Variants in IQSEC1 observed in about 807,000 individuals in gnomAD.
IQSEC1 encodes the protein IQ motif and SEC7 domain-containing protein 1.
IQSEC1 carries 31 observed loss-of-function variants against 91.0 expected under a neutral mutation model. The observed-to-expected ratio is 0.34, with a 90% CI of 0.26 to 0.46. IQSEC1 has a LOEUF of 0.46. Among genes scored for constraint, IQSEC1 ranks in the 20% least tolerant of loss-of-function variants. The probability of loss-of-function intolerance (pLI) is 1.00; values close to 1 mark genes in which losing one functional copy is unlikely to be tolerated. For missense variants in IQSEC1, 1,388 were observed against 1,575.6 expected (o/e 0.88, Z 2.02); for synonymous variants, 699 against 662.6 (o/e 1.05, Z -0.84).
intron 1 of IQSEC1, among the ~76,000 whole-genome samples, chr3:13,066,904 G>T (rs1365963198): frequency 6.6e-6 from 1 of 152,236 alleles, no homozygotes; most frequent in African/African-American, 2.4e-5. Flanking sequence ...TGAATGAATG[G>T]GTGAGTGATC....
rs1360924606 is a variant in IQSEC1, at chr3:12,915,735, T to G, written c.2021-2A>C. On this transcript the variant is annotated splice_acceptor_variant, in intron 6 of 13. Transcript: ENST00000613206. LOFTEE classifies it high-confidence loss of function. Reference sequence around the variant, plus strand: ...GAATGTCCTCACCATCGTCCACACCTGGGTAGGGGATGCAGCTGGATATCA... The same window carrying G: ...GAATGTCCTCACCATCGTCCACACCGGGGTAGGGGATGCAGCTGGATATCA... 6.2e-7 allele frequency: 1 copy of G among 1,613,672 alleles called. No individual in the cohort carries two copies. The highest frequency in any genetic ancestry group is 1.7e-5 in the Admixed American group (1 of 60,002).
chr3:12,923,539 C>A (rs1325376094), intron 4 of IQSEC1, among the ~76,000 whole-genome samples: 1 of 152,344 alleles, frequency 6.6e-6, no homozygotes, highest in East Asian at 1.9e-4. Flanking sequence ...CACACTTAGC[C>A]TCCTGGGTGT....
Position 12,901,103 on chromosome 3 carries a change from G to T in IQSEC1, c.3225C>A (p.Gly1075=). The part of the protein sequence containing the change: ...GHPAYGAHAH[G]HPPLPSAHVG... Reference sequence around the variant, plus strand: ...CGTGGGCCGAGGGCAGCGGCGGGTGGCCGTGGGCATGGGCCCCGTAGGCTG... The same window carrying T: ...CGTGGGCCGAGGGCAGCGGCGGGTGTCCGTGGGCATGGGCCCCGTAGGCTG... The change falls in exon 14 of 14, where the codon GGC becomes GGA. Residue 1075 remains glycine, a synonymous_variant. Coordinates refer to ENST00000613206, the MANE Select transcript of IQSEC1 (RefSeq NM_001134382.3). 1 of 1,539,350 alleles carries T rather than the reference G, an allele frequency of 6.5e-7. No individual in the cohort carries two copies.
Position 13,061,537 on chromosome 3 carries a change from G to A in IQSEC1, c.23+11455C>T, listed in dbSNP as rs76382451. On this transcript the variant is annotated intron_variant, in intron 1 of 13. Coordinates refer to ENST00000613206, the MANE Select transcript of IQSEC1 (RefSeq NM_001134382.3). The stretch of plus-strand genomic sequence containing the variant: ...GGGTCCCAGGACTTACCTAGCACAT[G>A]CAGTCCCCAGCCCCCACCAAGGTCC... Among the ~76,000 whole-genome samples, 1,209 of 152,134 alleles carry A rather than the reference G, an allele frequency of 7.9e-3. 22 individuals are homozygous for A. The highest frequency in any genetic ancestry group is 0.028 in the African/African-American group (1,149 of 41,486).
At position 13,267,341 on chromosome 3, in the gene IQSEC1, T is replaced by C. The variant is rs143421107; in HGVS notation, c.272+15370A>G. 1.9e-3 allele frequency among the ~76,000 whole-genome samples: 285 copies of C among 152,334 alleles called. 3 individuals are homozygous for C. The highest frequency in any genetic ancestry group is 6.3e-3 in the African/African-American group (263 of 41,562). The stretch of plus-strand genomic sequence containing the variant: ...TAAGCCACATAGTTTATGGCATTTG[T>C]TATGGCAGCCTGAACAGCCGAGGAC... On this transcript the variant is annotated intron_variant, in intron 1 of 15. Transcript: ENST00000648114.
intron 1 of IQSEC1, among the ~76,000 whole-genome samples, chr3:13,204,783 GTTTCTC>G (rs945683790): frequency 6.8e-6 from 1 of 148,064 alleles, no homozygotes; most frequent in Non-Finnish European, 1.5e-5. Flanking sequence ...TTCTTTCTGT[GTTTCTC>G]TTTCTATCTT....
At chr3:13,170,352 G>T (rs535733648) in intron 1 of IQSEC1, among the ~76,000 whole-genome samples, 2 of 152,284 alleles carry the variant, frequency 1.3e-5, no homozygotes, top group African/African-American at 2.4e-5. Flanking sequence ...GAAGTTTGCT[G>T]TAGGGGCAGG....
intron 2 of IQSEC1, among the ~76,000 whole-genome samples, chr3:13,104,085 T>TG (rs1358692045): frequency 6.6e-6 from 1 of 152,182 alleles, no homozygotes; most frequent in Non-Finnish European, 1.5e-5. Flanking sequence ...CTAGAGCTGT[T>TG]GCTACTAATC....
intron 2 of IQSEC1, among the ~76,000 whole-genome samples, chr3:13,155,860 A>C (rs1707078021): frequency 6.6e-6 from 1 of 152,196 alleles, no homozygotes; most frequent in Non-Finnish European, 1.5e-5. Context: ...GAGGAAAAAA[A>C]ACACATGGCC....
At chr3:12,986,536 A>G (rs1298071169) in intron 1 of IQSEC1, among the ~76,000 whole-genome samples, 1 of 152,238 alleles carries the variant, frequency 6.6e-6, no homozygotes, top group African/African-American at 2.4e-5. Flanking sequence ...GGTATCTGAC[A>G]CACAGAGGTG....
chr3:13,220,211 A>G (rs1694631258), intron 1 of IQSEC1, among the ~76,000 whole-genome samples: 1 of 152,220 alleles, frequency 6.6e-6, no homozygotes, highest in African/African-American at 2.4e-5. Context: ...CCTGGAGCAA[A>G]CTGGAGAGCC....
intron 1 of IQSEC1, among the ~76,000 whole-genome samples, chr3:12,991,290 T>C (rs563096168): frequency 3.3e-5 from 5 of 152,200 alleles, no homozygotes; most frequent in South Asian, 4.1e-4. Flanking sequence ...GGGTGGGGTG[T>C]TCCTTCCCGC....
chr3:13,087,916 C>T lies in IQSEC1; in HGVS notation c.303-40394G>A, dbSNP rs530766274. On this transcript the variant is annotated intron_variant, in intron 2 of 15. Coordinates refer to the IQSEC1 transcript ENST00000648114. ...GCCCGCTCCCAGGACAACTACCCCA[C>T]TTCTGAGTTAACATGAACCCCTCCT... is the stretch of plus-strand genomic sequence containing the variant. Among the ~76,000 whole-genome samples the T allele has an allele frequency of 1.3e-4, 20 of 152,318 alleles. 1 individual carries two copies. The East Asian group carries it at 3.3e-3, about 25-fold the overall frequency.
chr3:13,059,146 A>T (rs144872132), intron 1 of IQSEC1, among the ~76,000 whole-genome samples: 30 of 152,140 alleles, frequency 2.0e-4, no homozygotes, highest in South Asian at 8.3e-4. Context: ...TCCAGACACA[A>T]GGAGCTCAAT....
chr3:12,931,620 C>T (rs1236351897), intron 3 of IQSEC1, among the ~76,000 whole-genome samples: 3 of 152,234 alleles, frequency 2.0e-5, no homozygotes, highest in Non-Finnish European at 4.4e-5. Flanking sequence ...ATCAGGGGTA[C>T]TCTCTGAGCC....
intron 1 of IQSEC1, among the ~76,000 whole-genome samples, chr3:13,216,386 C>T (rs1045048848): frequency 6.6e-6 from 1 of 152,202 alleles, no homozygotes; most frequent in Admixed American, 6.5e-5. Flanking sequence ...ACAGGGGGCC[C>T]TCGGAAGGGG....
rs567155816 is a variant in IQSEC1 at position 13,236,467 on chromosome 3, C to T, written c.272+46244G>A. On this transcript the variant is annotated intron_variant, in intron 1 of 15. Transcript: ENST00000648114. ...TGCCCTGCTTTCGTTAGTGGGGACA[C>T]GGTGGTTCCAGATGGTCCTAAGGGT... 3.3e-5 allele frequency among the ~76,000 whole-genome samples: 5 copies of T among 152,322 alleles called. No homozygotes were observed. The East Asian group carries it at 7.7e-4, about 23-fold the overall frequency.
intron 1 of IQSEC1, among the ~76,000 whole-genome samples, chr3:13,038,756 G>A (rs1331617767): frequency 1.3e-5 from 2 of 152,158 alleles, no homozygotes; most frequent in Non-Finnish European, 2.9e-5. Flanking sequence ...ACCCACTGCT[G>A]GTAAGGCTAC....
intron 1 of IQSEC1, among the ~76,000 whole-genome samples, chr3:13,274,417 G>A (rs991822212): frequency 1.3e-5 from 2 of 152,234 alleles, no homozygotes; most frequent in Non-Finnish European, 2.9e-5. Flanking sequence ...TCTGCCCTTG[G>A]CAAGCTGTGC....
Sources: allele counts gnomAD v4.1 joint callset (sites outside exome capture counted in the v4.1 genomes callset), GRCh38; gene constraint gnomAD v4.1.1; transcripts MANE v1.5; gene names NCBI Gene and HGNC (gene_info 2026-07-23, HGNC 2026-07-21).